Variants in DNAH8 observed in about 807,000 individuals in gnomAD.
The protein encoded by DNAH8 is axonemal beta dynein heavy chain 8.
A neutral mutation model predicts 562.1 loss-of-function variants in DNAH8; 382 were observed. That is an observed-to-expected ratio of 0.68 (90% CI 0.63 to 0.74). DNAH8 has a LOEUF of 0.74. DNAH8 is among the 30% of genes least tolerant of loss of function. The pLI is 0.00. For missense variants in DNAH8, 5,203 were observed against 5,620.4 expected, an observed-to-expected ratio of 0.93 and a Z score of 2.37; for synonymous variants, 1,881 against 1,919.4, an observed-to-expected ratio of 0.98 and a Z score of 0.52.
At chr6:38,971,408 G>GT (rs1763338256) in intron 82 of DNAH8, among the ~76,000 whole-genome samples, 184 bp from the exon 83 acceptor site, 1 of 150,586 alleles carries the variant, frequency 6.6e-6, no homozygotes, top group African/African-American at 2.4e-5. Flanking sequence ...GTGCCTCCAG[G>GT]TCTCTGCTCC....
chr6:38,733,265 A>C (rs76913107), intron 4 of DNAH8, among the ~76,000 whole-genome samples: 38,411 of 151,948 alleles, frequency 0.25, 5,797 homozygotes, highest in Non-Finnish European at 0.35. Flanking sequence ...TTTGCAAATT[A>C]ATATTGTGAC....
At chr6:38,977,960 G>T (rs1763786105) in intron 85 of DNAH8, among the ~76,000 whole-genome samples, 1 of 152,210 alleles carries the variant, frequency 6.6e-6, no homozygotes, top group African/African-American at 2.4e-5. Context: ...ACTTCCAAGT[G>T]ATCCTGATAT....
At chr6:38,786,655 C>T in intron 17 of DNAH8, 110 bp from the exon 18 acceptor site, 3 of 1,101,664 alleles carry the variant, frequency 2.7e-6, no homozygotes, top group South Asian at 1.5e-5. Flanking sequence ...CAAAACATTT[C>T]CTTTGCCCTC....
At chr6:38,805,424 A>C in intron 22 of DNAH8, 57 bp from the exon 23 acceptor site, 1 of 1,086,268 alleles carries the variant, frequency 9.2e-7, no homozygotes, top group Non-Finnish European at 1.4e-6. Flanking sequence ...GCCATGTAGA[A>C]TACAGACAAT....
intron 32 of DNAH8, among the ~76,000 whole-genome samples, chr6:38,835,083 G>A (rs1738200): frequency 0.21 from 32,167 of 151,876 alleles, 4,274 homozygotes; most frequent in African/African-American, 0.37. Flanking sequence ...CATTGGATCA[G>A]GCCAACCATT....
chr6:38,755,311 A>G (rs1765815911), intron 9 of DNAH8, among the ~76,000 whole-genome samples: 1 of 152,152 alleles, frequency 6.6e-6, no homozygotes, highest in African/African-American at 2.4e-5. Context: ...AGTGCCTGGA[A>G]TATAGTAAGC....
intron 82 of DNAH8, among the ~76,000 whole-genome samples, chr6:38,964,836 A>C (rs754762392): frequency 2.6e-4 from 39 of 152,126 alleles, no homozygotes; most frequent in Admixed American, 2.0e-3. Context: ...CTGAGGCAGA[A>C]GGATCATTTG....
intron 85 of DNAH8, among the ~76,000 whole-genome samples, chr6:38,978,642 TAGAC>T (rs751178302): frequency 2.6e-5 from 4 of 152,228 alleles, no homozygotes; most frequent in Non-Finnish European, 1.5e-5. Context: ...TTATTGGAGT[TAGAC>T]AGTTAACTCC....
rs866295970 is a variant in DNAH8 at position 38,722,704 on chromosome 6, A to G, written c.-34-72A>G. 2.4e-6 allele frequency: 3 copies of G among 1,253,478 alleles called. No homozygotes were observed. The South Asian group carries it at 4.9e-5, about 21-fold the overall frequency. The allele number at this position is 1,253,478 out of a possible 1,614,324, so 77.6% of individuals were successfully genotyped here. On this transcript the variant is annotated intron_variant, in intron 1 of 92. Coordinates refer to ENST00000327475, the MANE Select transcript of DNAH8 (RefSeq NM_001206927.2). ...TAATGATTTTGCTACTTGTCTAGCT[A>G]AAAGGGGAGTAATAAAAACGTACAA...
chr6:38,948,855 C>CTTTA (rs1042882336), intron 80 of DNAH8, among the ~76,000 whole-genome samples: 168 of 152,220 alleles, frequency 1.1e-3, no homozygotes, highest in African/African-American at 3.8e-3. Flanking sequence ...CGTTATTAGG[C>CTTTA]TTTAGGTCTC....
intron 21 of DNAH8, 99 bp downstream of exon 21, chr6:38,791,773 T>C: frequency 7.8e-7 from 1 of 1,283,738 alleles, no homozygotes; most frequent in African/African-American, 1.6e-5. Flanking sequence ...GTCAGTAGCA[T>C]TTAGACTTTT....
At chr6:38,850,173 G>C in intron 37 of DNAH8, 78 bp from the exon 38 acceptor site, 1 of 1,398,680 alleles carries the variant, frequency 7.1e-7, no homozygotes, top group East Asian at 2.3e-5. Context: ...AAGAACTATA[G>C]AAAATTCCAA....
intron 25 of DNAH8, 58 bp downstream of exon 25, chr6:38,814,187 G>A: frequency 2.1e-6 from 2 of 972,380 alleles, no homozygotes; most frequent in Non-Finnish European, 3.2e-6. Context: ...TATAGTACTA[G>A]AACTGAGCTT....
In DNAH8 at chr6:39,012,619, G is replaced by T; in HGVS notation, c.13696G>T (p.Gly4566Cys). The T allele has an allele frequency of 6.2e-7, 1 of 1,613,808 alleles. No individual in the cohort carries two copies. The highest frequency in any genetic ancestry group is 1.3e-5 in the African/African-American group (1 of 75,008). The change falls in exon 91 of 93, where the codon GGT (glycine) becomes TGT (cysteine). Residue 4566 changes from glycine (G) to cysteine (C), a missense_variant. Gly to Cys is a radical substitution (Grantham distance 159, BLOSUM62 -3). Transcript: ENST00000327475. ...EGRPNVFWMT[G>C]FFNPQGFLTA... ...GAGGCCTAATGTGTTTTGGATGACTGGTTTCTTTAATCCCCAAGGTATGTG... is the reference window on the plus strand; with the variant it reads ...GAGGCCTAATGTGTTTTGGATGACTTGTTTCTTTAATCCCCAAGGTATGTG...
At chr6:38,801,986 C>T (rs1207316561) in intron 21 of DNAH8, among the ~76,000 whole-genome samples, 1 of 152,042 alleles carries the variant, frequency 6.6e-6, no homozygotes. Flanking sequence ...CTCTGTTGCC[C>T]AGGCTGGAAT....
rs141240104 is a variant in DNAH8, at chr6:38,913,949, C to T, written c.9960C>T (p.Asp3320=). The change falls in exon 67 of 93, where the codon GAC becomes GAT. Residue 3320 remains aspartate, a synonymous_variant. Coordinates refer to ENST00000327475, the MANE Select transcript of DNAH8 (RefSeq NM_001206927.2). The part of the protein sequence containing the change: ...KELAVASIKA[D]EVLAEVTVSA... ...TGGCAGTGGCTTCCATAAAAGCAGA[C>T]GAAGTGAGTTTGCATTTATTTTATC... 1.1e-5 allele frequency: 17 copies of T among 1,609,030 alleles called. No homozygotes were observed. In the Middle Eastern group the frequency reaches 6.6e-4, roughly 62 times the overall value.
At chr6:38,910,170 A>G (rs1446031473) in intron 65 of DNAH8, among the ~76,000 whole-genome samples, 1 of 152,208 alleles carries the variant, frequency 6.6e-6, no homozygotes, top group Non-Finnish European at 1.5e-5. Flanking sequence ...TTGTATTTGC[A>G]TTACTTAGTC....
chr6:38,916,351 C>A (rs1337605176), intron 68 of DNAH8, among the ~76,000 whole-genome samples: 2 of 152,120 alleles, frequency 1.3e-5, no homozygotes, highest in African/African-American at 2.4e-5. Flanking sequence ...TGGGCCCAGA[C>A]CTCACTCCTC....
chr6:38,807,299 G>C lies in DNAH8; in HGVS notation c.3151-311G>C, dbSNP rs1738230. ...ACCACATTTAAAGTGCTTCAATTTT[G>C]TTAGGTGAAAATTGAGTATTGAGCA... On this transcript the variant is annotated intron_variant, in intron 23 of 92. Coordinates refer to ENST00000327475, the MANE Select transcript of DNAH8 (RefSeq NM_001206927.2). 0.3 allele frequency among the ~76,000 whole-genome samples: 45,740 copies of C among 152,030 alleles called. 7,177 individuals are homozygous for C. Among genetic ancestry groups the C allele is most frequent in the East Asian group, 0.43 (2,218 of 5,162 alleles).
Sources: gnomAD v4.1 joint callset for allele counts (sites outside exome capture counted in the v4.1 genomes callset) on GRCh38, gnomAD v4.1.1 for gene constraint, MANE v1.5 for transcripts, NCBI Gene and HGNC (gene_info 2026-07-23, HGNC 2026-07-21) for gene names.